SH2D3C: variants seen among roughly 807,000 people sequenced by gnomAD.
SH2D3C encodes SH2 domain-containing protein 3C.
SH2D3C carries 25 observed loss-of-function variants against 75.2 expected under a neutral mutation model. The ratio of observed to expected loss-of-function variants is 0.33; its 90% CI spans 0.24 to 0.46. The LOEUF (loss-of-function observed/expected upper bound fraction) is 0.46. Ranked by LOEUF, SH2D3C falls within the 20% of genes least tolerant of loss-of-function variation. SH2D3C has a pLI of 1.00. For missense variants in SH2D3C, 933 were observed against 1,165.3 expected, an observed-to-expected ratio of 0.80 and a Z score of 2.90; for synonymous variants, 450 against 473.7, an observed-to-expected ratio of 0.95 and a Z score of 0.65.
Position 127,742,647 on chromosome 9 carries a change from G to A in SH2D3C, c.1916+202C>T. ...GGGGATGCGAAAGGAAGGCGAATGC[G>A]GAGATACAGGATTCAGTCTTTGGGA... is the stretch of plus-strand genomic sequence containing the variant. On this transcript the variant is annotated intron_variant, in intron 8 of 11. Transcript: ENST00000314830. 7.6e-6 allele frequency: 4 copies of A among 525,514 alleles called. No homozygotes were observed. In the South Asian group the frequency reaches 1.0e-4, roughly 13 times the overall value. The allele number at this position is 525,514 out of a possible 1,614,324, so 32.6% of individuals were successfully genotyped here.
At chr9:127,741,669 C>A (rs994099563) in intron 9 of SH2D3C, 119 bp downstream of exon 9, 2 of 1,279,452 alleles carry the variant, frequency 1.6e-6, no homozygotes, top group South Asian at 1.5e-5. Flanking sequence ...CGGGTAGTCT[C>A]ACCAATTCTG....
intron 2 of SH2D3C, chr9:127,762,123 T>C (rs996752738): frequency 6.7e-5 from 70 of 1,049,298 alleles, no homozygotes; most frequent in Non-Finnish European, 6.7e-5. Context: ...CCTCTTACCC[T>C]GCACTCACTT....
In SH2D3C at chr9:127,739,836, G is replaced by A; in HGVS notation, c.2253C>T (p.Thr751=). 6.3e-7 allele frequency: 1 copy of A among 1,576,532 alleles called. No homozygotes were observed. The highest frequency in any genetic ancestry group is 2.3e-5 in the East Asian group (1 of 42,912). ...GTGGGGCCGAGTCACACTCCAGCAG[G>A]GTGATGAGGGGCAGCACATGAGGAA... ...TTFPHVLPLI[T]LLECDSAPPE... The change falls in exon 11 of 12, where the codon ACC becomes ACT. Residue 751 remains threonine, a synonymous_variant. Transcript: ENST00000314830. This position sits in a 1 kb window ranked among gnomAD's most constrained non-coding sequence, Gnocchi z 4.3.
intron 8 of SH2D3C, 139 bp downstream of exon 8, chr9:127,742,710 T>C (rs1311634511): frequency 1.0e-5 from 6 of 596,898 alleles, no homozygotes; most frequent in Non-Finnish European, 1.8e-5. Context: ...GGGCTTGCGA[T>C]TGGTCAATGG....
Position 127,751,376 on chromosome 9 carries a change from T to C in SH2D3C, c.556-76A>G, listed in dbSNP as rs544061623. The stretch of plus-strand genomic sequence containing the variant: ...TTTCCCTCCCAACTTCATTCTACCA[T>C]GGATGAACTCCTCCTATCCTGGGAC... On this transcript the variant is annotated intron_variant, in intron 3 of 11. Coordinates refer to ENST00000314830, the MANE Select transcript of SH2D3C (RefSeq NM_170600.3). This position sits in a 1 kb window ranked among gnomAD's most constrained non-coding sequence, Gnocchi z 4.1. 3.0e-5 allele frequency: 42 copies of C among 1,390,388 alleles called. No individual in the cohort carries two copies. The East Asian group carries it at 9.3e-4, about 31-fold the overall frequency. The allele number at this position is 1,390,388 out of a possible 1,614,324, so 86.1% of individuals were successfully genotyped here. A position where few individuals can be genotyped will look rare whatever the true frequency, so the allele number is the denominator to read the frequency against.
intron 3 of SH2D3C, among the ~76,000 whole-genome samples, chr9:127,752,371 C>T (rs752439354): frequency 4.6e-5 from 7 of 152,152 alleles, no homozygotes; most frequent in Admixed American, 6.5e-5. Context: ...CTCATCACTG[C>T]GAGGACATGG....
intron 2 of SH2D3C, among the ~76,000 whole-genome samples, chr9:127,764,612 C>G (rs1398409352): frequency 1.3e-5 from 2 of 152,202 alleles, no homozygotes; most frequent in Non-Finnish European, 2.9e-5. Context: ...TCCCCCACCC[C>G]ACCTCAGGGT....
At position 127,741,960 on chromosome 9, in the gene SH2D3C, C is replaced by G; in HGVS notation, c.1917-1G>C. On this transcript the variant is annotated splice_acceptor_variant, in intron 8 of 11. Transcript: ENST00000314830. LOFTEE classifies it high-confidence loss of function. ...CAGCATGATGGACATGGTGTGGAAC[C>G]TGTCAGAGCGGCGGGGTCAGAGGCG... The G allele has an allele frequency of 6.2e-7, 1 of 1,608,690 alleles. No homozygotes were observed. The highest frequency in any genetic ancestry group is 8.5e-7 in the Non-Finnish European group (1 of 1,177,586).
chr9:127,766,920 G>T (rs997580425), intron 2 of SH2D3C: 14 of 1,532,504 alleles, frequency 9.1e-6, no homozygotes, highest in African/African-American at 2.7e-5. Flanking sequence ...AGAAGCAACG[G>T]GCACCTGCCT....
At chr9:127,777,639 T>C (rs1829047928) in intron 1 of SH2D3C, among the ~76,000 whole-genome samples, 1 of 152,006 alleles carries the variant, frequency 6.6e-6, no homozygotes, top group Non-Finnish European at 1.5e-5. Context: ...AGTGTGCGAA[T>C]GCCTCCCCTG....
intron 2 of SH2D3C, among the ~76,000 whole-genome samples, chr9:127,763,738 T>TA (rs1430490613): frequency 6.6e-6 from 1 of 151,994 alleles, no homozygotes; most frequent in African/African-American, 2.4e-5. Flanking sequence ...AAAGCTGAGA[T>TA]AAAAAATAAA....
rs1845309230 is a variant in SH2D3C at position 127,754,722 on chromosome 9, G to A, written c.556-3422C>T. The A allele has an allele frequency of 9.5e-6, 4 of 421,208 alleles. No homozygotes were observed. The highest frequency in any genetic ancestry group is 2.0e-5 in the Non-Finnish European group (4 of 197,348). 26.1% of individuals were successfully genotyped at this position (421,208 alleles called of 1,614,324 possible). The stretch of plus-strand genomic sequence containing the variant: ...TACAATGGGGAGCCAGGGTGCCCAG[G>A]TCAGCCGCAAGGGCCAGCGTACCAG... On this transcript the variant is annotated intron_variant, in intron 3 of 11. Transcript: ENST00000314830. The surrounding 1 kb of genome is among the most constrained non-coding windows in gnomAD (Gnocchi z 4.4).
Position 127,778,575 on chromosome 9 carries a change from G to C in SH2D3C, c.37+16C>G. ...GCCAGGGATGGAGGACAGTGCAGAC[G>C]GCACCCCACACTCACTGAACTTTTT... On this transcript the variant is annotated intron_variant, in intron 1 of 11. Transcript: ENST00000314830. 6.2e-7 allele frequency: 1 copy of C among 1,601,562 alleles called. No individual in the cohort carries two copies. Among genetic ancestry groups the C allele is most frequent in the South Asian group, 1.1e-5 (1 of 90,842 alleles).
At chr9:127,763,765 G>A (rs4836578) in intron 2 of SH2D3C, among the ~76,000 whole-genome samples, 93,742 of 151,954 alleles carry the variant, frequency 0.62, 29,424 homozygotes, top group East Asian at 0.97. Flanking sequence ...AGTTCCCCCA[G>A]TCCTAAAGCC....
intron 9 of SH2D3C, 137 bp from the exon 10 acceptor site, chr9:127,740,506 GACT>G (rs1385174867): frequency 3.3e-6 from 2 of 613,816 alleles, no homozygotes; most frequent in African/African-American, 3.7e-5. Context: ...GGACAGTGAT[GACT>G]ACTTTTCATG....
chr9:127,749,220 C>A lies in SH2D3C; in HGVS notation c.1130G>T (p.Cys377Phe). 1 of 1,554,376 alleles carries A rather than the reference C, an allele frequency of 6.4e-7. No individual in the cohort carries two copies. The highest frequency in any genetic ancestry group is 8.7e-7 in the Non-Finnish European group (1 of 1,148,472). The part of the protein sequence containing the change: ...TADKVTRSDG[C>F]PTSTSLPRPR... ...TGGGGCCCTGGCTGACCTGGTGGGG[C>A]AGCCATCGCTGCGGGTGACCTTGTC... The change falls in exon 5 of 12, where the codon TGC becomes TTC. Residue 377 changes from cysteine to phenylalanine, a missense_variant. Physicochemically the swap from Cys to Phe is radical, Grantham distance 205. Coordinates refer to ENST00000314830, the MANE Select transcript of SH2D3C (RefSeq NM_170600.3). This position sits in a 1 kb window ranked among gnomAD's most constrained non-coding sequence, Gnocchi z 5.9.
At chr9:127,776,389 T>C (rs1263322196) in intron 1 of SH2D3C, among the ~76,000 whole-genome samples, 1 of 150,206 alleles carries the variant, frequency 6.7e-6, no homozygotes, top group East Asian at 2.0e-4. Flanking sequence ...GAGGAGGGGG[T>C]TGTTGTGAGC....
chr9:127,764,103 C>T (rs954052099), intron 2 of SH2D3C, among the ~76,000 whole-genome samples: 5 of 152,226 alleles, frequency 3.3e-5, no homozygotes, highest in Admixed American at 2.0e-4. Context: ...GCGCTTCCTC[C>T]TGCTTCCTGT....
At chr9:127,772,643 C>G (rs759699443) in intron 2 of SH2D3C, among the ~76,000 whole-genome samples, 3 of 152,074 alleles carry the variant, frequency 2.0e-5, no homozygotes, top group Non-Finnish European at 2.9e-5. Flanking sequence ...AAGCCGGGGA[C>G]TCCTTTGGCT....
Sources: allele counts gnomAD v4.1 joint callset (sites outside exome capture counted in the v4.1 genomes callset), GRCh38; gene constraint gnomAD v4.1.1; non-coding constraint Gnocchi (gnomAD v3.1); transcripts MANE v1.5; gene names NCBI Gene and HGNC (gene_info 2026-07-23, HGNC 2026-07-21).